Variants in GPR55 observed in about 807,000 individuals in gnomAD.
GPR55 encodes G-protein coupled receptor 55.
A neutral mutation model predicts 7.9 loss-of-function variants in GPR55; 6 were observed. That is an observed-to-expected ratio of 0.76 (90% CI 0.41 to 1.49). The LOEUF is 1.49. Ranked by LOEUF, GPR55 falls within the 40% of genes most tolerant of loss-of-function variation. The pLI is 0.01. For missense variants in GPR55, 376 were observed against 406.0 expected (o/e 0.93, Z 0.63); for synonymous variants, 183 against 166.8 (o/e 1.10, Z -0.75).
chr2:230,916,043 T>C (rs77746969), intron 1 of GPR55, among the ~76,000 whole-genome samples: 1,895 of 151,402 alleles, frequency 0.013, 22 homozygotes, highest in Middle Eastern at 0.082. Flanking sequence ...ATGATGAATA[T>C]AGTTACACAT....
At chr2:230,948,712 T>G (rs1269494272) in intron 1 of GPR55, among the ~76,000 whole-genome samples, 1 of 152,274 alleles carries the variant, frequency 6.6e-6, no homozygotes, top group Non-Finnish European at 1.5e-5. Context: ...ATGCCAGCAT[T>G]TATTTAACCA....
chr2:230,920,055 G>A (rs1690799202), intron 1 of GPR55, among the ~76,000 whole-genome samples: 1 of 149,988 alleles, frequency 6.7e-6, no homozygotes, highest in South Asian at 2.1e-4. Context: ...TTGGAAGGTG[G>A]GTGATTTTTA....
At chr2:230,930,812 C>T (rs562286984) in intron 1 of GPR55, among the ~76,000 whole-genome samples, 7 of 152,302 alleles carry the variant, frequency 4.6e-5, no homozygotes, top group South Asian at 4.1e-4. Context: ...TTGTGTCGTT[C>T]GTCTCCATGA....
At chr2:230,945,093 C>T (rs61635581) in intron 1 of GPR55, among the ~76,000 whole-genome samples, 2,582 of 152,262 alleles carry the variant, frequency 0.017, 62 homozygotes, top group African/African-American at 0.053. Flanking sequence ...TGGCCCTCCT[C>T]GGTAGTAACA....
chr2:230,943,498 G>T (rs556426280), intron 1 of GPR55, among the ~76,000 whole-genome samples: 3 of 152,204 alleles, frequency 2.0e-5, no homozygotes, highest in Admixed American at 1.3e-4. Flanking sequence ...ATCCCCAGCT[G>T]GGGGGCCAAG....
At position 230,944,046 on chromosome 2, in the gene GPR55, G is replaced by C. The variant is rs1005095091; in HGVS notation, c.-135+16729C>G. On this transcript the variant is annotated intron_variant, in intron 1 of 1. Coordinates refer to the GPR55 transcript ENST00000392039. This position sits in a 1 kb window ranked among gnomAD's most constrained non-coding sequence, Gnocchi z 4.2. ...CCTCGGGCTGTCCCTCTTCTCCCTGGCCCTAGCCCAGGAGGAGGACCAGCA... is the reference window on the plus strand; with the variant it reads ...CCTCGGGCTGTCCCTCTTCTCCCTGCCCCTAGCCCAGGAGGAGGACCAGCA... Among the ~76,000 whole-genome samples the C allele has an allele frequency of 2.6e-5, 4 of 152,202 alleles. No homozygotes were observed. Among genetic ancestry groups the C allele is most frequent in the Non-Finnish European group, 5.9e-5 (4 of 68,038 alleles).
chr2:230,960,626 G>T (rs2125073785), intron 1 of GPR55: 1 of 152,272 alleles, frequency 6.6e-6, no homozygotes, highest in South Asian at 2.1e-4. Context: ...AAAGAGCCTG[G>T]ACGTCATTAC....
At chr2:230,931,285 G>A (rs891497034) in intron 1 of GPR55, among the ~76,000 whole-genome samples, 2 of 152,198 alleles carry the variant, frequency 1.3e-5, no homozygotes, top group Admixed American at 6.5e-5. Flanking sequence ...TGAGGACCAC[G>A]CCGAGGGCAG....
intron 1 of GPR55, among the ~76,000 whole-genome samples, chr2:230,955,209 T>C (rs1366222306): frequency 6.6e-6 from 1 of 152,260 alleles, no homozygotes; most frequent in African/African-American, 2.4e-5. Context: ...GTTGAAATTT[T>C]GTCAGATAAT....
At chr2:230,935,797 G>C (rs942628072) in intron 1 of GPR55, among the ~76,000 whole-genome samples, 2 of 152,224 alleles carry the variant, frequency 1.3e-5, no homozygotes, top group African/African-American at 4.8e-5. Context: ...GATTTTTTTA[G>C]AGTTGGGAAT....
chr2:230,924,331 C>T lies in GPR55; in HGVS notation c.-135+837G>A, dbSNP rs1690902874. On this transcript the variant is annotated intron_variant, in intron 1 of 1. Coordinates refer to ENST00000650999, the MANE Select transcript of GPR55 (RefSeq NM_005683.4). The surrounding 1 kb of genome is among the most constrained non-coding windows in gnomAD (Gnocchi z 4.5). ...ACAGAGCTGTGGGCGGCACTTTGCCCTGCCCTGTCCTCTCATCCCCACTGC... is the reference window on the plus strand; with the variant it reads ...ACAGAGCTGTGGGCGGCACTTTGCCTTGCCCTGTCCTCTCATCCCCACTGC... Among the ~76,000 whole-genome samples, 1 of 152,208 alleles carries T rather than the reference C, an allele frequency of 6.6e-6. No individual in the cohort carries two copies. Among genetic ancestry groups the T allele is most frequent in the African/African-American group, 2.4e-5 (1 of 41,444 alleles).
chr2:230,912,215 C>A (rs187326689), intron 1 of GPR55, among the ~76,000 whole-genome samples: 242 of 152,312 alleles, frequency 1.6e-3, no homozygotes, highest in Admixed American at 7.9e-3. Flanking sequence ...TGCCTGGCAT[C>A]TTCCTTAACC....
At chr2:230,953,799 A>G (rs181136290) in intron 1 of GPR55, among the ~76,000 whole-genome samples, 3 of 152,342 alleles carry the variant, frequency 2.0e-5, no homozygotes, top group Middle Eastern at 3.4e-3. Context: ...GGCTGGAAGC[A>G]TCCAGCATAC....
chr2:230,922,715 AC>A (rs937751224), intron 1 of GPR55, among the ~76,000 whole-genome samples: 5 of 152,030 alleles, frequency 3.3e-5, no homozygotes, highest in Admixed American at 1.3e-4. Context: ...AGATGGGATT[AC>A]AGGCATGTGC....
At chr2:230,938,175 C>G (rs936696007) in intron 1 of GPR55, among the ~76,000 whole-genome samples, 3 of 120,804 alleles carry the variant, frequency 2.5e-5, no homozygotes. Flanking sequence ...AAAAAAAAAG[C>G]TTAGACTCAT....
At chr2:230,960,898 T>C (rs1278661038) in exon 1 of GPR55, 1 of 152,096 alleles carries the variant, frequency 6.6e-6, no homozygotes. Context: ...GGGGTCCCTG[T>C]AGTAGGGAAG....
intron 1 of GPR55, among the ~76,000 whole-genome samples, chr2:230,946,343 G>A (rs1691313608): frequency 6.6e-6 from 1 of 152,192 alleles, no homozygotes; most frequent in Admixed American, 6.5e-5. Context: ...CTTGGAAATT[G>A]CTACAAGAGT....
At chr2:230,916,936 A>T (rs1690730697) in intron 1 of GPR55, among the ~76,000 whole-genome samples, 1 of 152,254 alleles carries the variant, frequency 6.6e-6, no homozygotes, top group African/African-American at 2.4e-5. Flanking sequence ...AAAATAAAAT[A>T]TAACTGTTTG....
At chr2:230,914,675 A>G (rs946132566) in intron 1 of GPR55, among the ~76,000 whole-genome samples, 10 of 152,244 alleles carry the variant, frequency 6.6e-5, no homozygotes, top group African/African-American at 2.4e-4. Flanking sequence ...GGCGGGGGGC[A>G]GCAACTAGCA....
Sources: allele counts gnomAD v4.1 joint callset (sites outside exome capture counted in the v4.1 genomes callset), GRCh38; gene constraint gnomAD v4.1.1; non-coding constraint Gnocchi (gnomAD v3.1); transcripts MANE v1.5; gene names NCBI Gene and HGNC (gene_info 2026-07-23, HGNC 2026-07-21).